Variants in SEM1 observed in about 807,000 individuals in gnomAD.
SEM1 encodes SEM1 26S proteasome subunit.
Under a neutral mutation model 12.7 loss-of-function variants are expected in SEM1, and 3 were observed. The observed-to-expected ratio is 0.24, with a 90% CI of 0.11 to 0.61. The LOEUF is 0.61. Ranked by LOEUF, SEM1 falls within the 20% of genes least tolerant of loss-of-function variation. The pLI, the probability that SEM1 is intolerant of heterozygous loss-of-function variation, is 0.88. For missense variants in SEM1, 59 were observed against 81.3 expected, an observed-to-expected ratio of 0.73 and a Z score of 1.06; for synonymous variants, 30 against 27.8, an observed-to-expected ratio of 1.08 and a Z score of -0.25.
At chr7:96,573,800 A>T (rs549895025) in intron 2 of SEM1, among the ~76,000 whole-genome samples, 8 of 152,114 alleles carry the variant, frequency 5.3e-5, no homozygotes, top group African/African-American at 1.9e-4. Context: ...CTGAATTTGA[A>T]TGTTGGTCTG....
intron 2 of SEM1, among the ~76,000 whole-genome samples, chr7:96,510,741 G>A (rs373209444): frequency 6.6e-6 from 1 of 152,154 alleles, no homozygotes; most frequent in African/African-American, 2.4e-5. Context: ...TGCTTTTGAA[G>A]TTGATGCCTG....
Position 96,640,341 on chromosome 7 carries a change from T to C in SEM1, c.171-17698A>G, listed in dbSNP as rs909390743. The stretch of plus-strand genomic sequence containing the variant: ...AACAGCTAAGACATCCTTCCGTAGA[T>C]GAATGAAAAATAAACTGTGGTACAT... On this transcript the variant is annotated intron_variant, in intron 2 of 2. Transcript: ENST00000417009. This position sits in a 1 kb window ranked among gnomAD's most constrained non-coding sequence, Gnocchi z 4.0. 1.3e-5 allele frequency among the ~76,000 whole-genome samples: 2 copies of C among 151,976 alleles called. No homozygotes were observed. Among genetic ancestry groups the C allele is most frequent in the Non-Finnish European group, 2.9e-5 (2 of 67,930 alleles).
intron 2 of SEM1, among the ~76,000 whole-genome samples, chr7:96,563,756 A>G (rs1276017958): frequency 6.6e-6 from 1 of 152,168 alleles, no homozygotes; most frequent in Non-Finnish European, 1.5e-5. Flanking sequence ...TCCCAAAACA[A>G]TGGAGAAGGA....
chr7:96,637,578 C>A (rs1808466269), intron 2 of SEM1, among the ~76,000 whole-genome samples: 1 of 151,988 alleles, frequency 6.6e-6, no homozygotes, highest in South Asian at 2.1e-4. Flanking sequence ...ACTCTATTTT[C>A]CATTTAATGT....
chr7:96,498,451 T>G (rs1337159535), upstream of SEM1, among the ~76,000 whole-genome samples: 2 of 152,198 alleles, frequency 1.3e-5, no homozygotes, highest in African/African-American at 2.4e-5. Flanking sequence ...TAGGTTTTTC[T>G]GAGAGTCTTA....
chr7:96,563,241 G>T (rs1805743591), intron 2 of SEM1, among the ~76,000 whole-genome samples: 1 of 152,030 alleles, frequency 6.6e-6, no homozygotes, highest in Non-Finnish European at 1.5e-5. Context: ...TGGGTAGAGT[G>T]GCATTAGGAG....
At chr7:96,659,913 C>CAAAAAA (rs71529826) in intron 2 of SEM1, among the ~76,000 whole-genome samples, 113 of 66,584 alleles carry the variant, frequency 1.7e-3, no homozygotes, top group East Asian at 4.3e-3. Flanking sequence ...AGTAAGATGG[C>CAAAAAA]AAAAAAAAAA....
chr7:96,558,219 G>A (rs1440994074), intron 2 of SEM1: 1 of 153,426 alleles, frequency 6.5e-6, no homozygotes, highest in Non-Finnish European at 1.4e-5. Flanking sequence ...TCCCCCAGGA[G>A]TTTCTCTTGA....
chr7:96,569,766 TCTA>T (rs1805959307), intron 2 of SEM1, among the ~76,000 whole-genome samples: 1 of 152,110 alleles, frequency 6.6e-6, no homozygotes, highest in Non-Finnish European at 1.5e-5. Context: ...TTGTTTAACT[TCTA>T]CTTACAAGTT....
chr7:96,563,744 A>G (rs919435557), intron 2 of SEM1, among the ~76,000 whole-genome samples: 9 of 152,152 alleles, frequency 5.9e-5, no homozygotes, highest in African/African-American at 2.2e-4. Context: ...AGAATGTTTA[A>G]CTCCCAAAAC....
chr7:96,630,743 C>G (rs1344524896), intron 2 of SEM1, among the ~76,000 whole-genome samples: 12 of 152,210 alleles, frequency 7.9e-5, no homozygotes. Context: ...TAGGCTGAGT[C>G]TCACCTGAAG....
In SEM1 at chr7:96,564,009, A is replaced by T. The variant is rs1196409544; in HGVS notation, c.171-57311T>A. On this transcript the variant is annotated intron_variant and NMD_transcript_variant, in intron 2 of 3. Coordinates refer to the SEM1 transcript ENST00000466986. ...AGCCTCATGCAGTGAGTGGAGTGCC[A>T]GTCCTCTTTTTCTAGTGTCTGAGAC... Among the ~76,000 whole-genome samples the T allele has an allele frequency of 3.3e-5, 5 of 152,110 alleles. 1 individual carries two copies. The South Asian group carries it at 1.0e-3, about 32-fold the overall frequency.
At chr7:96,625,731 T>A (rs1276470418) in intron 2 of SEM1, among the ~76,000 whole-genome samples, 1 of 152,194 alleles carries the variant, frequency 6.6e-6, no homozygotes, top group Non-Finnish European at 1.5e-5. Flanking sequence ...GACCATACTT[T>A]GATTTGCAGG....
intron 3 of SEM1, among the ~76,000 whole-genome samples, chr7:96,505,691 CA>C (rs940877232): frequency 6.6e-6 from 1 of 152,020 alleles, no homozygotes; most frequent in Admixed American, 6.6e-5. Flanking sequence ...TCAGAAAATT[CA>C]ATGTTTGGCG....
intron 2 of SEM1, among the ~76,000 whole-genome samples, chr7:96,512,687 C>A (rs1415339025): frequency 6.6e-6 from 1 of 152,002 alleles, no homozygotes; most frequent in Non-Finnish European, 1.5e-5. Flanking sequence ...TCTAAACTCC[C>A]ACTATTATTG....
intron 2 of SEM1, among the ~76,000 whole-genome samples, chr7:96,660,142 G>A (rs925745963): frequency 1.3e-5 from 2 of 152,120 alleles, no homozygotes; most frequent in African/African-American, 4.8e-5. Flanking sequence ...ATAGAGCTGA[G>A]ATGGCTATAA....
chr7:96,647,859 A>G (rs1808850266), intron 2 of SEM1, among the ~76,000 whole-genome samples: 1 of 152,214 alleles, frequency 6.6e-6, no homozygotes, highest in Non-Finnish European at 1.5e-5. Flanking sequence ...TAGAAAACCT[A>G]TTTAGCACTT....
intron 2 of SEM1, among the ~76,000 whole-genome samples, chr7:96,516,114 C>T (rs893441233): frequency 5.3e-5 from 8 of 151,778 alleles, no homozygotes; most frequent in Admixed American, 4.6e-4. Flanking sequence ...GATTTACAGA[C>T]CTAAATGGAA....
intron 2 of SEM1, among the ~76,000 whole-genome samples, chr7:96,552,712 G>A (rs1805325152): frequency 6.6e-6 from 1 of 151,976 alleles, no homozygotes; most frequent in Non-Finnish European, 1.5e-5. Context: ...ACCCAGTAAT[G>A]GGATGGCTGG....
Sources: allele counts gnomAD v4.1 joint callset (sites outside exome capture counted in the v4.1 genomes callset), GRCh38; gene constraint gnomAD v4.1.1; non-coding constraint Gnocchi (gnomAD v3.1); transcripts MANE v1.5; gene names NCBI Gene and HGNC (gene_info 2026-07-23, HGNC 2026-07-21).